Variants in RANBP2 observed in about 807,000 individuals in gnomAD.
RANBP2 encodes E3 SUMO-protein ligase RanBP2.
A neutral mutation model predicts 303.6 loss-of-function variants in RANBP2; 57 were observed. The ratio of observed to expected loss-of-function variants is 0.19; its 90% CI spans 0.15 to 0.23. RANBP2 has a LOEUF of 0.23. RANBP2 is among the 10% of genes least tolerant of loss of function. RANBP2 has a pLI of 1.00. For synonymous variants in RANBP2, 1,167 were observed against 1,301.5 expected (o/e 0.90, Z 2.23); for missense variants, 3,138 against 3,780.8 (o/e 0.83, Z 4.46).
At chr2:109,518,141 A>G in the RANBP2 span, among the ~76,000 whole-genome samples, 1 of 152,218 alleles carries the variant, frequency 6.6e-6, no homozygotes, top group African/African-American at 2.4e-5. Flanking sequence ...ACAACAACTC[A>G]CAGGGTAAAA....
the RANBP2 span, among the ~76,000 whole-genome samples, chr2:108,901,819 T>C: frequency 6.6e-6 from 1 of 152,212 alleles, no homozygotes; most frequent in Non-Finnish European, 1.5e-5. Flanking sequence ...TGTAAAAATA[T>C]CTAGCCAAAC....
chr2:109,298,698 C>A, the RANBP2 span, among the ~76,000 whole-genome samples: 3 of 152,120 alleles, frequency 2.0e-5, no homozygotes, highest in Non-Finnish European at 2.9e-5. Flanking sequence ...GGGTCCAGGT[C>A]CGTTTCCCCA....
chr2:109,594,171 C>T, the RANBP2 span, among the ~76,000 whole-genome samples: 1 of 152,186 alleles, frequency 6.6e-6, no homozygotes, highest in Admixed American at 6.5e-5. Context: ...ACAAGAAAAA[C>T]TGTACTAATT....
the RANBP2 span, among the ~76,000 whole-genome samples, chr2:109,399,214 C>A: frequency 6.6e-6 from 1 of 152,300 alleles, no homozygotes; most frequent in South Asian, 2.1e-4. Flanking sequence ...TAACACCCAC[C>A]CGCCTCATGA....
the RANBP2 span, among the ~76,000 whole-genome samples, chr2:108,999,429 TG>T: frequency 1.3e-5 from 2 of 152,226 alleles, no homozygotes; most frequent in Non-Finnish European, 2.9e-5. Context: ...CAGAACTAAA[TG>T]ATCTGCCCCA....
At chr2:109,504,359 G>C in the RANBP2 span, 1 of 152,258 alleles carries the variant, frequency 6.6e-6, no homozygotes, top group East Asian at 1.9e-4. Context: ...CAGGCCACCA[G>C]GGGCCTCTGC....
At chr2:109,034,963 G>A in the RANBP2 span, among the ~76,000 whole-genome samples, 1 of 152,264 alleles carries the variant, frequency 6.6e-6, no homozygotes, top group East Asian at 1.9e-4. Context: ...AAGAAAAGGA[G>A]ACAAGAATGG....
chr2:108,746,288 C>CTACAACCT (rs1696517033), intron 7 of RANBP2, among the ~76,000 whole-genome samples: 1 of 147,082 alleles, frequency 6.8e-6, no homozygotes, highest in Admixed American at 6.8e-5. Flanking sequence ...TCTCAGCCCA[C>CTACAACCT]TACAACCTCT....
At chr2:108,755,831 C>T (rs775071441) in intron 17 of RANBP2, among the ~76,000 whole-genome samples, 1 of 151,212 alleles carries the variant, frequency 6.6e-6, no homozygotes, top group South Asian at 2.1e-4. Context: ...TCAAGCGACT[C>T]TCCTGCCTCA....
chr2:109,411,007 G>A, the RANBP2 span, among the ~76,000 whole-genome samples: 2 of 152,124 alleles, frequency 1.3e-5, no homozygotes, highest in Non-Finnish European at 2.9e-5. Context: ...ATCCCTTAAG[G>A]CCTAGAATCA....
the RANBP2 span, among the ~76,000 whole-genome samples, chr2:108,892,463 A>ATC: frequency 0.02 from 3,031 of 152,128 alleles, 98 homozygotes; most frequent in African/African-American, 0.07. Flanking sequence ...AGCAGCAACA[A>ATC]TCTGGGTTTC....
At chr2:109,700,937 A>G in the RANBP2 span, among the ~76,000 whole-genome samples, 2 of 152,136 alleles carry the variant, frequency 1.3e-5, no homozygotes, top group Non-Finnish European at 2.9e-5. Flanking sequence ...GGGAAAGGCA[A>G]GGGCAAAAGA....
At chr2:108,963,029 GA>G in the RANBP2 span, among the ~76,000 whole-genome samples, 2 of 152,142 alleles carry the variant, frequency 1.3e-5, no homozygotes, top group Non-Finnish European at 2.9e-5. Flanking sequence ...CAATTGAACT[GA>G]ACAAAATCTG....
At chr2:109,281,367 G>A in the RANBP2 span, among the ~76,000 whole-genome samples, 8 of 152,304 alleles carry the variant, frequency 5.3e-5, no homozygotes, top group East Asian at 1.5e-3. Flanking sequence ...TTGGGACTTG[G>A]AAAGTGAGGA....
At chr2:109,740,447 AAACTT>A in the RANBP2 span, among the ~76,000 whole-genome samples, 2 of 152,346 alleles carry the variant, frequency 1.3e-5, no homozygotes, top group African/African-American at 4.8e-5. Context: ...GGATATAGTT[AAACTT>A]AACAGAACCA....
At chr2:108,788,174 T>C, downstream of RANBP2, 2 of 1,396,068 alleles carry the variant, frequency 1.4e-6, no homozygotes, top group Non-Finnish European at 2.0e-6. Flanking sequence ...ATCCCAGCAC[T>C]TTGGGAGGCC....
At chr2:108,857,167 C>G in the RANBP2 span, among the ~76,000 whole-genome samples, 10 of 141,896 alleles carry the variant, frequency 7.0e-5, no homozygotes, top group Non-Finnish European at 1.3e-4. Context: ...CAACCTCTGA[C>G]TCCCTGGTTC....
the RANBP2 span, among the ~76,000 whole-genome samples, chr2:109,287,633 C>T: frequency 7.2e-5 from 11 of 152,210 alleles, no homozygotes; most frequent in East Asian, 1.9e-4. Flanking sequence ...CAATGGGAGG[C>T]GGGAGGGGAA....
At chr2:109,568,326 A>G in the RANBP2 span, among the ~76,000 whole-genome samples, 7 of 151,086 alleles carry the variant, frequency 4.6e-5, no homozygotes, top group Non-Finnish European at 8.8e-5. Context: ...TCTCCTGTAT[A>G]TATACACCCC....
Sources: gnomAD v4.1 joint callset for allele counts (sites outside exome capture counted in the v4.1 genomes callset) on GRCh38, gnomAD v4.1.1 for gene constraint, MANE v1.5 for transcripts, NCBI Gene and HGNC (gene_info 2026-07-23, HGNC 2026-07-21) for gene names.